Variants in CACNA2D3 observed in about 807,000 individuals in gnomAD.
CACNA2D3 encodes calcium voltage-gated channel auxiliary subunit alpha2delta 3, also known as voltage-dependent calcium channel subunit alpha-2/delta-3.
In CACNA2D3, 60 loss-of-function variants were observed where a neutral mutation model predicts 160.6. The ratio of observed to expected loss-of-function variants is 0.37; its 90% CI spans 0.30 to 0.46. The LOEUF is 0.46. CACNA2D3 is among the 20% of genes least tolerant of loss of function. The probability of loss-of-function intolerance (pLI) is 1.00; values close to 1 mark genes in which losing one functional copy is unlikely to be tolerated. For missense variants in CACNA2D3, 1,205 were observed against 1,365.0 expected, an observed-to-expected ratio of 0.88 and a Z score of 1.85; for synonymous variants, 558 against 492.9, an observed-to-expected ratio of 1.13 and a Z score of -1.75.
chr3:54,340,531 C>A (rs571677157), intron 3 of CACNA2D3, among the ~76,000 whole-genome samples: 1 of 152,280 alleles, frequency 6.6e-6, no homozygotes, highest in South Asian at 2.1e-4. Flanking sequence ...TACCTTCTTC[C>A]AGTATTTCAA....
intron 31 of CACNA2D3, among the ~76,000 whole-genome samples, chr3:54,998,171 C>T (rs1466578590): frequency 6.7e-6 from 1 of 149,818 alleles, no homozygotes; most frequent in Admixed American, 6.6e-5. Flanking sequence ...CTCTATTGCC[C>T]ATGCCCAGGC....
chr3:54,762,037 C>T (rs190691170), intron 12 of CACNA2D3, among the ~76,000 whole-genome samples: 3 of 152,160 alleles, frequency 2.0e-5, no homozygotes, highest in Non-Finnish European at 4.4e-5. Context: ...ATTTGTTTGG[C>T]GAGTAGGAGG....
intron 35 of CACNA2D3, among the ~76,000 whole-genome samples, chr3:55,054,731 A>G (rs1223185363): frequency 6.6e-6 from 1 of 151,930 alleles, no homozygotes; most frequent in Admixed American, 6.6e-5. Context: ...CAATTACTGT[A>G]CAAGTTTCTT....
intron 11 of CACNA2D3, among the ~76,000 whole-genome samples, chr3:54,748,274 A>G (rs561739364): frequency 3.7e-4 from 57 of 152,320 alleles, no homozygotes; most frequent in African/African-American, 1.3e-3. Flanking sequence ...TTGATTCATT[A>G]TCTTTACAGA....
At chr3:54,636,380 G>C (rs958626166) in intron 10 of CACNA2D3, among the ~76,000 whole-genome samples, 2 of 152,090 alleles carry the variant, frequency 1.3e-5, no homozygotes, top group South Asian at 2.1e-4. Flanking sequence ...ATTGAAGTCC[G>C]GGCCAGGAAC....
intron 2 of CACNA2D3, among the ~76,000 whole-genome samples, chr3:54,227,522 A>G (rs528753361): frequency 6.8e-6 from 1 of 147,540 alleles, no homozygotes; most frequent in South Asian, 2.2e-4. Flanking sequence ...GGGACAAGAC[A>G]GAGCCAAACA....
intron 35 of CACNA2D3, among the ~76,000 whole-genome samples, chr3:55,061,064 TC>T (rs1372730273): frequency 1.3e-5 from 2 of 152,248 alleles, no homozygotes; most frequent in African/African-American, 4.8e-5. Context: ...GAAGTCATTA[TC>T]ATGGCTCTTA....
intron 4 of CACNA2D3, among the ~76,000 whole-genome samples, chr3:54,462,069 C>G (rs1700515797): frequency 6.6e-6 from 1 of 152,100 alleles, no homozygotes. Context: ...TGTTCAGTTT[C>G]CATGTAGTTG....
At chr3:54,650,303 G>A (rs1699736274) in intron 11 of CACNA2D3, among the ~76,000 whole-genome samples, 1 of 151,622 alleles carries the variant, frequency 6.6e-6, no homozygotes, top group African/African-American at 2.4e-5. Flanking sequence ...GGTTCAAGTG[G>A]TTACTCATGC....
At chr3:54,736,160 CACACAG>C (rs375650039) in intron 11 of CACNA2D3, among the ~76,000 whole-genome samples, 16,685 of 129,736 alleles carry the variant, frequency 0.13, 1,406 homozygotes, top group Non-Finnish European at 0.16. Flanking sequence ...CACACACACA[CACACAG>C]ACACACATAA....
At chr3:54,278,270 C>T (rs1702790133) in intron 2 of CACNA2D3, among the ~76,000 whole-genome samples, 1 of 152,160 alleles carries the variant, frequency 6.6e-6, no homozygotes, top group South Asian at 2.1e-4. Flanking sequence ...TAGAGAAATG[C>T]AAATCAAAAC....
At chr3:54,789,069 A>G (rs1184309118) in intron 13 of CACNA2D3, among the ~76,000 whole-genome samples, 3 of 152,176 alleles carry the variant, frequency 2.0e-5, no homozygotes, top group Non-Finnish European at 4.4e-5. Context: ...GCACAGTTCA[A>G]AGAGATTAAC....
At chr3:54,412,894 T>C (rs925143720) in intron 4 of CACNA2D3, among the ~76,000 whole-genome samples, 3 of 123,100 alleles carry the variant, frequency 2.4e-5, no homozygotes, top group Non-Finnish European at 5.2e-5. Context: ...TTTGTTTTGC[T>C]TTTGATTTTG....
At chr3:54,341,299 T>A (rs1184680647) in intron 3 of CACNA2D3, among the ~76,000 whole-genome samples, 1 of 152,248 alleles carries the variant, frequency 6.6e-6, no homozygotes, top group Non-Finnish European at 1.5e-5. Flanking sequence ...TACCAGTGGC[T>A]GATCAGTCAT....
chr3:54,741,017 G>GA (rs1377590171), intron 11 of CACNA2D3, among the ~76,000 whole-genome samples: 9 of 152,128 alleles, frequency 5.9e-5, no homozygotes, highest in Non-Finnish European at 8.8e-5. Context: ...ATCCCAATGA[G>GA]AAAATCACAA....
intron 13 of CACNA2D3, among the ~76,000 whole-genome samples, chr3:54,811,427 C>G (rs1322969077): frequency 1.3e-5 from 2 of 148,354 alleles, no homozygotes; most frequent in East Asian, 2.1e-4. Flanking sequence ...CCTGCTGCCT[C>G]CACACCACCA....
intron 9 of CACNA2D3, among the ~76,000 whole-genome samples, chr3:54,611,764 T>C (rs1036701309): frequency 6.6e-6 from 1 of 152,018 alleles, no homozygotes; most frequent in Non-Finnish European, 1.5e-5. Flanking sequence ...AAAATTATAT[T>C]CAGATTTTGG....
chr3:55,014,488 G>C (rs1183441987), intron 34 of CACNA2D3, among the ~76,000 whole-genome samples: 1 of 152,146 alleles, frequency 6.6e-6, no homozygotes, highest in Non-Finnish European at 1.5e-5. Context: ...CCAGCACTTT[G>C]GGAAGCCAAG....
intron 11 of CACNA2D3, among the ~76,000 whole-genome samples, chr3:54,676,099 C>G (rs1700238403): frequency 6.6e-6 from 1 of 152,178 alleles, no homozygotes; most frequent in African/African-American, 2.4e-5. Context: ...AGTTCCTCGT[C>G]TTTAGTAACA....
Sources: allele counts gnomAD v4.1 joint callset (sites outside exome capture counted in the v4.1 genomes callset), GRCh38; gene constraint gnomAD v4.1.1; transcripts MANE v1.5; gene names NCBI Gene and HGNC (gene_info 2026-07-23, HGNC 2026-07-21).